COLEC12: variants seen among roughly 807,000 people sequenced by gnomAD.
COLEC12 encodes collectin-12.
A neutral mutation model predicts 71.1 loss-of-function variants in COLEC12; 33 were observed. That is an observed-to-expected ratio of 0.46 (90% CI 0.35 to 0.62). COLEC12 has a LOEUF of 0.62. COLEC12 is among the 20% of genes least tolerant of loss of function. The pLI is 0.00. For synonymous variants in COLEC12, 350 were observed against 353.0 expected (o/e 0.99, Z 0.10); for missense variants, 765 against 916.1 (o/e 0.84, Z 2.13).
intron 2 of COLEC12, among the ~76,000 whole-genome samples, chr18:462,740 G>C (rs1289608134): frequency 6.6e-6 from 1 of 152,118 alleles, no homozygotes; most frequent in East Asian, 1.9e-4. Flanking sequence ...TGGCCTGTGA[G>C]GTCACCCCAC....
intron 2 of COLEC12, among the ~76,000 whole-genome samples, chr18:425,682 C>T (rs750659221): frequency 6.6e-6 from 1 of 152,216 alleles, no homozygotes; most frequent in Non-Finnish European, 1.5e-5. Flanking sequence ...GCACCACTAA[C>T]CTCTCTGGAG....
intron 5 of COLEC12, among the ~76,000 whole-genome samples, chr18:344,003 G>C (rs999088931): frequency 2.0e-5 from 3 of 152,142 alleles, no homozygotes; most frequent in Non-Finnish European, 4.4e-5. Flanking sequence ...TGGCTGATAA[G>C]CCACGCTGTC....
At chr18:455,151 T>A (rs1351842718) in intron 2 of COLEC12, among the ~76,000 whole-genome samples, 1 of 152,198 alleles carries the variant, frequency 6.6e-6, no homozygotes, top group Non-Finnish European at 1.5e-5. Context: ...TCCCGCTCCA[T>A]GGCCGCATTG....
At position 357,394 on chromosome 18, in the gene COLEC12, G is replaced by A. The variant is rs2143501326; in HGVS notation, c.181+6C>T. 1 of 1,587,642 alleles carries A rather than the reference G, an allele frequency of 6.3e-7. No homozygotes were observed. Among genetic ancestry groups the A allele is most frequent in the Non-Finnish European group, 8.5e-7 (1 of 1,172,498 alleles). On this transcript the variant is annotated splice_donor_region_variant and intron_variant, in intron 3 of 9. Coordinates refer to ENST00000400256, the MANE Select transcript of COLEC12 (RefSeq NM_130386.3). The stretch of plus-strand genomic sequence containing the variant: ...ATTTGGAAGAAAAAAAAGAAAGCAT[G>A]CTTACCTTTATATCCCAAAATGGCT...
intron 2 of COLEC12, among the ~76,000 whole-genome samples, chr18:421,101 G>A (rs1217141426): frequency 2.0e-5 from 3 of 152,184 alleles, no homozygotes; most frequent in East Asian, 3.8e-4. Context: ...AACTTGTACA[G>A]GGCTACACAT....
chr18:342,472 CAGG>C (rs1914278439), intron 5 of COLEC12, among the ~76,000 whole-genome samples: 1 of 152,202 alleles, frequency 6.6e-6, no homozygotes, highest in Non-Finnish European at 1.5e-5. Context: ...TGCGAGTCAA[CAGG>C]AATTTTCCGG....
intron 2 of COLEC12, among the ~76,000 whole-genome samples, chr18:417,774 A>G (rs1251334358): frequency 6.6e-6 from 1 of 152,234 alleles, no homozygotes; most frequent in African/African-American, 2.4e-5. Flanking sequence ...CTGATTTCAC[A>G]TGCATCAGGA....
At chr18:441,366 C>T (rs534711156) in intron 2 of COLEC12, among the ~76,000 whole-genome samples, 9 of 152,282 alleles carry the variant, frequency 5.9e-5, no homozygotes, top group African/African-American at 2.2e-4. Context: ...TAAGGACCAT[C>T]TTTGGAAACT....
chr18:358,189 A>T (rs1914669107), intron 2 of COLEC12, among the ~76,000 whole-genome samples: 1 of 152,144 alleles, frequency 6.6e-6, no homozygotes, highest in Non-Finnish European at 1.5e-5. Flanking sequence ...GTAGGGGACC[A>T]CTGTCCTAGA....
At chr18:442,702 C>T (rs142678708) in intron 2 of COLEC12, among the ~76,000 whole-genome samples, 2,567 of 152,350 alleles carry the variant, frequency 0.017, 25 homozygotes, top group Middle Eastern at 0.031. Context: ...TGGCTCACGC[C>T]TGTAATCCCA....
chr18:395,890 C>T (rs1300464186), intron 2 of COLEC12, among the ~76,000 whole-genome samples: 5 of 152,170 alleles, frequency 3.3e-5, no homozygotes, highest in Non-Finnish European at 7.3e-5. Flanking sequence ...TATCTCGCAG[C>T]GTGCGTCTGA....
chr18:475,460 C>T (rs557778443), intron 2 of COLEC12, among the ~76,000 whole-genome samples: 1 of 152,208 alleles, frequency 6.6e-6, no homozygotes, highest in Non-Finnish European at 1.5e-5. Context: ...ACACCTTGTC[C>T]AAATTAGAAG....
chr18:462,320 G>A (rs1417725630), intron 2 of COLEC12, among the ~76,000 whole-genome samples: 4 of 152,180 alleles, frequency 2.6e-5, no homozygotes, highest in African/African-American at 7.2e-5. Context: ...AATGTGGTCC[G>A]TCCATGTCAC....
chr18:343,135 T>C (rs1478959440), intron 5 of COLEC12, among the ~76,000 whole-genome samples: 2 of 152,200 alleles, frequency 1.3e-5, no homozygotes, highest in Non-Finnish European at 2.9e-5. Flanking sequence ...GTTCAATTTC[T>C]GTCTACATCA....
chr18:339,962 T>C (rs948537290), intron 5 of COLEC12, among the ~76,000 whole-genome samples: 2 of 151,712 alleles, frequency 1.3e-5, no homozygotes, highest in African/African-American at 4.8e-5. Context: ...GATTAGCATC[T>C]GGATGATCTC....
chr18:421,096 G>A (rs1028824929), intron 2 of COLEC12, among the ~76,000 whole-genome samples: 1 of 152,148 alleles, frequency 6.6e-6, no homozygotes, highest in Non-Finnish European at 1.5e-5. Flanking sequence ...GCTTTAACTT[G>A]TACAGGGCTA....
intron 2 of COLEC12, among the ~76,000 whole-genome samples, chr18:425,069 G>A (rs970782844): frequency 2.3e-4 from 35 of 152,160 alleles, no homozygotes; most frequent in African/African-American, 7.2e-4. Context: ...TGCCTCTAGG[G>A]AGGCATGATC....
At chr18:347,517 G>A (rs1349376066) in intron 4 of COLEC12, among the ~76,000 whole-genome samples, 176 bp from the exon 5 acceptor site, 2 of 152,128 alleles carry the variant, frequency 1.3e-5, no homozygotes, top group African/African-American at 4.8e-5. Context: ...TGGGTCCTGG[G>A]GAATCGGAAA....
At chr18:322,387 T>C (rs1250303039) in intron 8 of COLEC12, among the ~76,000 whole-genome samples, 7 of 152,326 alleles carry the variant, frequency 4.6e-5, no homozygotes, top group African/African-American at 1.7e-4. Context: ...GAAGGTTGAT[T>C]GCTTTAGAAA....
Sources: gnomAD v4.1 joint callset for allele counts (sites outside exome capture counted in the v4.1 genomes callset) on GRCh38, gnomAD v4.1.1 for gene constraint, MANE v1.5 for transcripts, NCBI Gene and HGNC (gene_info 2026-07-23, HGNC 2026-07-21) for gene names.